SEMA3A: variants seen among roughly 807,000 people sequenced by gnomAD.
SEMA3A encodes semaphorin 3A.
Under a neutral mutation model 97.9 loss-of-function variants are expected in SEMA3A, and 29 were observed. That is an observed-to-expected ratio of 0.30 (90% confidence interval 0.22 to 0.40). SEMA3A has a LOEUF of 0.40. Ranked by LOEUF, SEMA3A falls within the 10% of genes least tolerant of loss-of-function variation. The pLI, the probability that SEMA3A is intolerant of heterozygous loss-of-function variation, is 1.00. For missense variants in SEMA3A, 763 were observed against 951.3 expected (o/e 0.80, Z 2.60); for synonymous variants, 321 against 323.7 (o/e 0.99, Z 0.09).
intron 2 of SEMA3A, among the ~76,000 whole-genome samples, chr7:84,348,385 T>C (rs1383365554): frequency 6.6e-6 from 1 of 152,182 alleles, no homozygotes; most frequent in Non-Finnish European, 1.5e-5. Flanking sequence ...TAGCTAACAT[T>C]TCTGTTTACC....
chr7:84,436,112 A>G (rs1358980407), intron 1 of SEMA3A, among the ~76,000 whole-genome samples: 1 of 152,204 alleles, frequency 6.6e-6, no homozygotes, highest in Non-Finnish European at 1.5e-5. Context: ...TGGTGTTGGG[A>G]TAACTGGCTA....
rs1797327337 is a variant in SEMA3A at position 84,169,737 on chromosome 7, A to C, written c.112+24738T>G. ...AAGAATGATGCCTTGTTTGGAAGTA[A>C]GATTAAATAATGCAATTACAAATTG... On this transcript the variant is annotated intron_variant, in intron 1 of 16. Coordinates refer to ENST00000265362, the MANE Select transcript of SEMA3A (RefSeq NM_006080.3). 3.3e-5 allele frequency among the ~76,000 whole-genome samples: 5 copies of C among 151,704 alleles called. No homozygotes were observed. The South Asian group carries it at 1.0e-3, about 31-fold the overall frequency.
intron 3 of SEMA3A, among the ~76,000 whole-genome samples, chr7:84,296,112 G>T (rs1384460703): frequency 6.6e-6 from 1 of 152,080 alleles, no homozygotes; most frequent in Non-Finnish European, 1.5e-5. Flanking sequence ...GTAATATATA[G>T]AAGACCTGTC....
intron 3 of SEMA3A, among the ~76,000 whole-genome samples, chr7:84,223,182 C>T (rs780397189): frequency 1.6e-4 from 24 of 151,682 alleles, no homozygotes; most frequent in Non-Finnish European, 2.5e-4. Context: ...AGAAAAGTGC[C>T]AGAGTCTCAC....
intron 4 of SEMA3A, among the ~76,000 whole-genome samples, chr7:84,062,868 G>C (rs1793304052): frequency 7.1e-6 from 1 of 141,720 alleles, no homozygotes; most frequent in Non-Finnish European, 1.5e-5. Flanking sequence ...TGCCAAACTT[G>C]ATTAGGTAAA....
At chr7:84,017,163 AC>A (rs1791137322) in intron 6 of SEMA3A, among the ~76,000 whole-genome samples, 2 of 152,214 alleles carry the variant, frequency 1.3e-5, no homozygotes, top group African/African-American at 4.8e-5. Flanking sequence ...ACAATATTTT[AC>A]ATGTATAGAT....
At chr7:84,396,245 A>G (rs1803728427) in intron 1 of SEMA3A, among the ~76,000 whole-genome samples, 1 of 152,128 alleles carries the variant, frequency 6.6e-6, no homozygotes, top group South Asian at 2.1e-4. Flanking sequence ...GAATAAATGT[A>G]AAACAGTCAA....
At chr7:84,139,625 C>A (rs1016789500) in intron 1 of SEMA3A, among the ~76,000 whole-genome samples, 1 of 151,958 alleles carries the variant, frequency 6.6e-6, no homozygotes. Context: ...ACAATGAAGA[C>A]GACAAGCTTT....
At chr7:84,312,520 C>T (rs1325531159) in intron 2 of SEMA3A, among the ~76,000 whole-genome samples, 1 of 151,496 alleles carries the variant, frequency 6.6e-6, no homozygotes, top group Non-Finnish European at 1.5e-5. Context: ...TGAGTTTATT[C>T]ATACATTAAG....
At chr7:84,295,350 G>A (rs1468785375) in intron 3 of SEMA3A, among the ~76,000 whole-genome samples, 1 of 151,890 alleles carries the variant, frequency 6.6e-6, no homozygotes, top group Non-Finnish European at 1.5e-5. Flanking sequence ...GGCTGTAGAG[G>A]TAAAGATTTC....
At chr7:84,486,190 C>G (rs187715907) in intron 1 of SEMA3A, among the ~76,000 whole-genome samples, 225 of 152,092 alleles carry the variant, frequency 1.5e-3, no homozygotes, top group African/African-American at 5.0e-3. Flanking sequence ...AAGATCAAGA[C>G]CATCCTGGCC....
chr7:83,961,916 T>G (rs1788489014), intron 16 of SEMA3A, 90 bp from the exon 17 acceptor site: 11 of 944,314 alleles, frequency 1.2e-5, no homozygotes, highest in Non-Finnish European at 1.7e-5. Flanking sequence ...CTTTAGATTA[T>G]GTGTTGAGGC....
chr7:83,994,804 C>T (rs1248589518), intron 12 of SEMA3A, among the ~76,000 whole-genome samples: 1 of 151,962 alleles, frequency 6.6e-6, no homozygotes, highest in East Asian at 2.0e-4. Context: ...GTGGAGCCTA[C>T]AGAGGCAGGC....
At position 84,351,212 on chromosome 7, in the gene SEMA3A, G is replaced by A. The variant is rs1443847053; in HGVS notation, c.-169+20612C>T. 2.6e-5 allele frequency among the ~76,000 whole-genome samples: 4 copies of A among 152,054 alleles called. No individual in the cohort carries two copies. The South Asian group carries it at 6.2e-4, about 24-fold the overall frequency. On this transcript the variant is annotated intron_variant, in intron 2 of 3. Transcript: ENST00000424555. ...CAATGCCAACATTTCTAATGATTCAGGTGGCTCTCAGTACTCCTTCCCGTC... is the reference window on the plus strand; with the variant it reads ...CAATGCCAACATTTCTAATGATTCAAGTGGCTCTCAGTACTCCTTCCCGTC...
chr7:84,444,936 C>T (rs1805369767), intron 1 of SEMA3A, among the ~76,000 whole-genome samples: 1 of 151,940 alleles, frequency 6.6e-6, no homozygotes. Context: ...CTTTCTTCAC[C>T]CAAGCTTCTC....
chr7:84,309,905 T>G (rs1801271271), intron 2 of SEMA3A, among the ~76,000 whole-genome samples: 1 of 152,038 alleles, frequency 6.6e-6, no homozygotes, highest in Non-Finnish European at 1.5e-5. Context: ...ATGAGAGAAA[T>G]ATGAAGATGT....
intron 1 of SEMA3A, among the ~76,000 whole-genome samples, chr7:84,383,806 T>A (rs1012793528): frequency 2.0e-5 from 3 of 152,228 alleles, no homozygotes; most frequent in Non-Finnish European, 2.9e-5. Context: ...AAACCAGTCA[T>A]AATGAGAAAT....
At chr7:84,191,236 A>T (rs555884004) in intron 1 of SEMA3A, among the ~76,000 whole-genome samples, 1 of 151,238 alleles carries the variant, frequency 6.6e-6, no homozygotes, top group South Asian at 2.1e-4. Flanking sequence ...TGAAAAAAAA[A>T]AAAAACAACT....
intron 13 of SEMA3A, among the ~76,000 whole-genome samples, chr7:83,984,572 A>AGTGAGGC (rs3839780): frequency 0.026 from 3,857 of 148,298 alleles, 160 homozygotes; most frequent in East Asian, 0.19. Context: ...TACTCTAGTA[A>AGTGAGGC]GTGAGGCATA....
Sources: gnomAD v4.1 joint callset for allele counts (sites outside exome capture counted in the v4.1 genomes callset) on GRCh38, gnomAD v4.1.1 for gene constraint, MANE v1.5 for transcripts, NCBI Gene and HGNC (gene_info 2026-07-23, HGNC 2026-07-21) for gene names.